Variants in SPTLC3 observed in about 807,000 individuals in gnomAD.
SPTLC3 encodes serine palmitoyltransferase long chain base subunit 3, also known as serine palmitoyltransferase 3.
In SPTLC3, 36 loss-of-function variants were observed where a neutral mutation model predicts 59.3. The observed-to-expected ratio is 0.61, with a 90% CI of 0.47 to 0.80. The LOEUF (loss-of-function observed/expected upper bound fraction) is 0.80. Among genes scored for constraint, SPTLC3 ranks in the 30% least tolerant of loss-of-function variants. The pLI is 0.00. For synonymous variants in SPTLC3, 257 were observed against 240.8 expected (o/e 1.07, Z -0.62); for missense variants, 625 against 685.1 (o/e 0.91, Z 0.98).
At chr20:13,056,457 C>T (rs62201722) in intron 2 of SPTLC3, among the ~76,000 whole-genome samples, 583 of 34,342 alleles carry the variant, frequency 0.017, 179 homozygotes, top group South Asian at 0.024. Flanking sequence ...AACTTTTTTT[C>T]TTTTTTTTTT....
chr20:13,062,369 T>C (rs1988008997), intron 2 of SPTLC3, among the ~76,000 whole-genome samples: 1 of 152,148 alleles, frequency 6.6e-6, no homozygotes, highest in Admixed American at 6.5e-5. Flanking sequence ...ATAAGATAAC[T>C]GGTAAAATCA....
chr20:13,036,708 G>A (rs575624634), intron 1 of SPTLC3, among the ~76,000 whole-genome samples: 1 of 152,058 alleles, frequency 6.6e-6, no homozygotes, highest in Non-Finnish European at 1.5e-5. Context: ...TCAGGTTAGG[G>A]CATTCATTAA....
intron 9 of SPTLC3, among the ~76,000 whole-genome samples, chr20:13,152,271 AG>A (rs2038666301): frequency 1.3e-5 from 2 of 152,206 alleles, no homozygotes; most frequent in Admixed American, 6.5e-5. Flanking sequence ...AAATGTCAAG[AG>A]CTTATAACAG....
At chr20:13,044,931 C>G (rs1193783895) in intron 1 of SPTLC3, among the ~76,000 whole-genome samples, 1 of 151,696 alleles carries the variant, frequency 6.6e-6, no homozygotes, top group East Asian at 1.9e-4. Flanking sequence ...TGATGTGGTC[C>G]CTTCATTTGC....
intron 8 of SPTLC3, 77 bp downstream of exon 8, chr20:13,117,802 C>A: frequency 7.4e-7 from 1 of 1,354,184 alleles, no homozygotes; most frequent in Non-Finnish European, 1.0e-6. Context: ...CTCTGAATTT[C>A]ATGAAAGCTT....
intron 6 of SPTLC3, among the ~76,000 whole-genome samples, chr20:13,095,112 G>C (rs1401277304): frequency 1.3e-5 from 2 of 152,170 alleles, no homozygotes; most frequent in Non-Finnish European, 2.9e-5. Context: ...GAGACTACAA[G>C]GAATGCCTTT....
chr20:13,163,789 A>G (rs954567465), intron 11 of SPTLC3, among the ~76,000 whole-genome samples: 1 of 152,182 alleles, frequency 6.6e-6, no homozygotes, highest in Non-Finnish European at 1.5e-5. Context: ...ATTAGACCCT[A>G]ATATTATCTT....
intron 4 of SPTLC3, among the ~76,000 whole-genome samples, chr20:13,077,625 A>G (rs1298164700): frequency 2.6e-5 from 4 of 152,184 alleles, no homozygotes; most frequent in Admixed American, 6.5e-5. Context: ...AGAGGAAAAT[A>G]TAAGTCTTAC....
intron 1 of SPTLC3, among the ~76,000 whole-genome samples, chr20:13,016,117 T>C (rs1218428641): frequency 1.3e-5 from 2 of 148,928 alleles, no homozygotes; most frequent in Non-Finnish European, 3.0e-5. Context: ...AAGAAAAGAA[T>C]GGACAAAAGC....
At chr20:13,017,487 A>G (rs1166133971) in intron 1 of SPTLC3, among the ~76,000 whole-genome samples, 3 of 152,184 alleles carry the variant, frequency 2.0e-5, no homozygotes, top group Non-Finnish European at 2.9e-5. Flanking sequence ...TTCTGGCAAT[A>G]CTGATATCTT....
intron 9 of SPTLC3, among the ~76,000 whole-genome samples, chr20:13,140,870 A>G (rs1481875635): frequency 6.6e-6 from 1 of 152,192 alleles, no homozygotes; most frequent in Non-Finnish European, 1.5e-5. Flanking sequence ...TGTGCGAATT[A>G]TTTCATTTAC....
intron 9 of SPTLC3, among the ~76,000 whole-genome samples, chr20:13,147,310 C>G (rs1205395069): frequency 6.6e-6 from 1 of 152,178 alleles, no homozygotes; most frequent in Non-Finnish European, 1.5e-5. Context: ...GTTCTTTTCT[C>G]CACCCCACTG....
At chr20:13,111,474 C>A (rs1170902105) in intron 7 of SPTLC3, among the ~76,000 whole-genome samples, 1 of 152,132 alleles carries the variant, frequency 6.6e-6, no homozygotes, top group African/African-American at 2.4e-5. Context: ...TGGGACAGCC[C>A]CTACAACACA....
chr20:13,109,725 G>A (rs1990115813), intron 6 of SPTLC3, among the ~76,000 whole-genome samples: 1 of 152,202 alleles, frequency 6.6e-6, no homozygotes, highest in East Asian at 1.9e-4. Context: ...ACATGCTCAT[G>A]TCTACACGAT....
chr20:13,015,605 A>C (rs2122365984), intron 1 of SPTLC3, among the ~76,000 whole-genome samples: 1 of 152,310 alleles, frequency 6.6e-6, no homozygotes, highest in Admixed American at 6.5e-5. Flanking sequence ...TAAGTCCAGT[A>C]AATAAATCAA....
At chr20:13,084,913 G>A (rs1240912961) in intron 4 of SPTLC3, among the ~76,000 whole-genome samples, 1 of 152,190 alleles carries the variant, frequency 6.6e-6, no homozygotes, top group Admixed American at 6.5e-5. Context: ...TTATTATTCT[G>A]TCTACTTAGA....
intron 1 of SPTLC3, among the ~76,000 whole-genome samples, chr20:13,036,619 G>GT (rs1986746498): frequency 6.6e-6 from 1 of 152,052 alleles, no homozygotes; most frequent in Non-Finnish European, 1.5e-5. Context: ...AAAGTTTAAA[G>GT]TTACACATAG....
intron 9 of SPTLC3, among the ~76,000 whole-genome samples, chr20:13,149,352 C>T (rs1428821070): frequency 1.3e-5 from 2 of 152,214 alleles, no homozygotes; most frequent in Non-Finnish European, 2.9e-5. Context: ...CCAAATATTG[C>T]TTCTGCTTTT....
chr20:13,038,060 A>ATATATAT (rs1390602376), intron 1 of SPTLC3, among the ~76,000 whole-genome samples: 8 of 148,676 alleles, frequency 5.4e-5, no homozygotes, highest in African/African-American at 1.0e-4. Context: ...ATATATATAT[A>ATATATAT]ATATATCTTC....
Sources: allele counts gnomAD v4.1 joint callset (sites outside exome capture counted in the v4.1 genomes callset), GRCh38; gene constraint gnomAD v4.1.1; transcripts MANE v1.5; gene names NCBI Gene and HGNC (gene_info 2026-07-23, HGNC 2026-07-21).